Variants in IQCM observed in about 807,000 individuals in gnomAD.
IQCM encodes the protein IQ motif containing M, also known as IQ domain-containing protein M.
IQCM carries 45 observed loss-of-function variants against 57.6 expected under a neutral mutation model. The ratio of observed to expected loss-of-function variants is 0.78; its 90% CI spans 0.62 to 1.00. The LOEUF (loss-of-function observed/expected upper bound fraction) is 1.00. Among genes scored for constraint, IQCM ranks in the 50% least tolerant of loss-of-function variants. The probability of loss-of-function intolerance (pLI) is 0.00; values close to 1 mark genes in which losing one functional copy is unlikely to be tolerated. For synonymous variants in IQCM, 148 were observed against 158.9 expected (o/e 0.93, Z 0.51); for missense variants, 468 against 511.6 (o/e 0.91, Z 0.82).
Position 149,498,142 on chromosome 4 carries a change from C to T in IQCM, c.1228+50313G>A, listed in dbSNP as rs148806256. 3.1e-3 allele frequency among the ~76,000 whole-genome samples: 467 copies of T among 152,212 alleles called. 1 individual carries two copies. Among genetic ancestry groups the T allele is most frequent in the Non-Finnish European group, 4.8e-3 (324 of 68,000 alleles). On this transcript the variant is annotated intron_variant, in intron 12 of 13. Transcript: ENST00000636793. Reference sequence around the variant, plus strand: ...ATGTAAGATAGAATGTCTGGAGCAGCGACTGAGTGAGCTAGGTAGGAAACC... The same window carrying T: ...ATGTAAGATAGAATGTCTGGAGCAGTGACTGAGTGAGCTAGGTAGGAAACC...
At chr4:149,393,093 T>C (rs1332089610) in intron 13 of IQCM, among the ~76,000 whole-genome samples, 1 of 151,972 alleles carries the variant, frequency 6.6e-6, no homozygotes, top group Non-Finnish European at 1.5e-5. Context: ...AATGCTCATA[T>C]GAGCCCAGGA....
At chr4:149,646,914 G>A (rs1184318459) in intron 7 of IQCM, among the ~76,000 whole-genome samples, 1 of 152,188 alleles carries the variant, frequency 6.6e-6, no homozygotes, top group Non-Finnish European at 1.5e-5. Context: ...AACCTAGGGG[G>A]TAGAGGTTGC....
At chr4:149,440,109 ACCATGCCCGGCCTTTTTTT>A (rs1343354385) in intron 12 of IQCM, among the ~76,000 whole-genome samples, 1 of 136,976 alleles carries the variant, frequency 7.3e-6, no homozygotes, top group African/African-American at 2.7e-5. Flanking sequence ...GGCATGTGCC[ACCATGCCCGGCCTTTTTTT>A]TTTTTTTTTT....
rs10001842 is a variant in IQCM, at chr4:149,462,582, A to G, written c.1229-29025T>C. ...TAATTTTCAATACAGCAATAGGAGT[A>G]TTTCCTACTGTTTGAATTCCTGTCT... is the stretch of plus-strand genomic sequence containing the variant. On this transcript the variant is annotated intron_variant, in intron 12 of 13. Transcript: ENST00000636793. Among the ~76,000 whole-genome samples the G allele has an allele frequency of 6.8e-3, 1,032 of 152,278 alleles. 13 individuals are homozygous for G. The highest frequency in any genetic ancestry group is 0.024 in the African/African-American group (983 of 41,556).
chr4:149,486,247 C>T lies in IQCM; in HGVS notation c.1229-52690G>A, dbSNP rs192791760. Among the ~76,000 whole-genome samples the T allele has an allele frequency of 4.8e-4, 73 of 152,156 alleles. 3 individuals are homozygous for T. The highest frequency in any genetic ancestry group is 4.3e-3 in the Admixed American group (65 of 15,280). ...CCCTGGGTGTGTCCAGAGATGCTAT[C>T]TGTGTGTCCAGAGATGTTATTTGGA... On this transcript the variant is annotated intron_variant, in intron 12 of 13. Coordinates refer to ENST00000636793, the MANE Select transcript of IQCM (RefSeq NM_001363507.2).
chr4:149,595,271 T>C (rs938758632), intron 8 of IQCM, among the ~76,000 whole-genome samples: 1 of 152,170 alleles, frequency 6.6e-6, no homozygotes, highest in Admixed American at 6.5e-5. Context: ...GAGACTAGGA[T>C]TGCAACCCCT....
intron 13 of IQCM, among the ~76,000 whole-genome samples, chr4:149,378,001 C>T (rs537547318): frequency 2.0e-5 from 3 of 152,188 alleles, no homozygotes; most frequent in South Asian, 4.2e-4. Flanking sequence ...ATCATAGGGA[C>T]GGTTTCCCTC....
intron 5 of IQCM, among the ~76,000 whole-genome samples, chr4:149,727,501 G>A (rs1252389799): frequency 6.6e-6 from 1 of 152,134 alleles, no homozygotes; most frequent in Non-Finnish European, 1.5e-5. Context: ...AATGAAGGAG[G>A]AGAAAATAAA....
chr4:149,424,126 A>G (rs1734308255), intron 13 of IQCM, among the ~76,000 whole-genome samples: 1 of 151,946 alleles, frequency 6.6e-6, no homozygotes, highest in Non-Finnish European at 1.5e-5. Flanking sequence ...AATAAGTGGA[A>G]TGTTTCTCAA....
chr4:149,466,001 C>T (rs561208490), intron 12 of IQCM, among the ~76,000 whole-genome samples: 26 of 152,178 alleles, frequency 1.7e-4, no homozygotes, highest in African/African-American at 6.0e-4. Flanking sequence ...TATTGTTGTG[C>T]TCACCAAATT....
At chr4:149,798,620 C>T (rs1026883307) in intron 2 of IQCM, among the ~76,000 whole-genome samples, 4 of 151,892 alleles carry the variant, frequency 2.6e-5, no homozygotes, top group African/African-American at 7.2e-5. Flanking sequence ...CCTGTAAAAA[C>T]ACACATAGAC....
Position 149,548,634 on chromosome 4 carries a change from C to A in IQCM, c.1094-45G>T, listed in dbSNP as rs940845364. 4 of 994,252 alleles carry A rather than the reference C, an allele frequency of 4.0e-6. No homozygotes were observed. In the South Asian group the frequency reaches 1.5e-4, roughly 38 times the overall value. 61.6% of individuals were successfully genotyped at this position (994,252 alleles called of 1,614,324 possible). On this transcript the variant is annotated intron_variant, in intron 11 of 13. Transcript: ENST00000636793. ...AAAGAAAATATTTTTTTAAACAATA[C>A]ATCAAGTAAAAACTTTAACTCTAGC... is the stretch of plus-strand genomic sequence containing the variant.
chr4:149,362,669 T>G (rs551413460), intron 13 of IQCM, among the ~76,000 whole-genome samples: 46 of 152,300 alleles, frequency 3.0e-4, no homozygotes, highest in Non-Finnish European at 5.6e-4. Flanking sequence ...AAATCTCTTT[T>G]TCTTCCCAGT....
chr4:149,414,612 TC>T (rs1168064031), intron 13 of IQCM, among the ~76,000 whole-genome samples: 5 of 152,210 alleles, frequency 3.3e-5, no homozygotes, highest in Admixed American at 3.3e-4. Flanking sequence ...TCTTTTCCTC[TC>T]CCTTTTTAAG....
At chr4:149,606,519 C>CA (rs1224763886) in intron 8 of IQCM, among the ~76,000 whole-genome samples, 1 of 152,208 alleles carries the variant, frequency 6.6e-6, no homozygotes, top group African/African-American at 2.4e-5. Flanking sequence ...CATCCACAAG[C>CA]ATCAAGAACA....
chr4:149,689,269 T>A (rs1353521176), intron 5 of IQCM, among the ~76,000 whole-genome samples: 1 of 152,024 alleles, frequency 6.6e-6, no homozygotes, highest in Non-Finnish European at 1.5e-5. Flanking sequence ...GGGACATGGA[T>A]GAAGCTGGAA....
chr4:149,626,171 T>A (rs1756777337), intron 7 of IQCM, among the ~76,000 whole-genome samples: 1 of 151,806 alleles, frequency 6.6e-6, no homozygotes, highest in Non-Finnish European at 1.5e-5. Flanking sequence ...ACTGCCAGCA[T>A]AGCTAGAATA....
At chr4:149,726,071 A>AGAAAG (rs1765867391) in intron 5 of IQCM, among the ~76,000 whole-genome samples, 2 of 94,748 alleles carry the variant, frequency 2.1e-5, no homozygotes, top group Admixed American at 2.5e-4. Context: ...TCTTCCCTCT[A>AGAAAG]AAAGAAAGAA....
chr4:149,733,405 T>C lies in IQCM; in HGVS notation c.224A>G (p.Asp75Gly). ...PLEIDKKVTR[D>G]VVQEHRAALR... ...TGCGGCCCGATGTTCTTGCACCACA[T>C]CACGTGTTACCTTTTTGTCAATCTC... The change falls in exon 5 of 14, where the codon GAT (aspartate) becomes GGT (glycine). Residue 75 changes from aspartate (D) to glycine (G), a missense_variant. Physicochemically the swap from Asp to Gly is moderately conservative, Grantham distance 94. Transcript: ENST00000636793. The C allele has an allele frequency of 8.1e-7, 1 of 1,231,858 alleles. No homozygotes were observed. 76.3% of individuals were successfully genotyped at this position (1,231,858 alleles called of 1,614,324 possible). A position where few individuals can be genotyped will look rare whatever the true frequency, so the allele number is the denominator to read the frequency against.
Sources: gnomAD v4.1 joint callset for allele counts (sites outside exome capture counted in the v4.1 genomes callset) on GRCh38, gnomAD v4.1.1 for gene constraint, MANE v1.5 for transcripts, NCBI Gene and HGNC (gene_info 2026-07-23, HGNC 2026-07-21) for gene names.